The following SERPINA12 variants were observed in gnomAD, a reference collection of about 807,000 sequenced individuals.
The protein encoded by SERPINA12 is serpin A12.
Under a neutral mutation model 25.9 loss-of-function variants are expected in SERPINA12, and 21 were observed. The observed-to-expected ratio is 0.81, with a 90% CI of 0.58 to 1.17. The LOEUF (loss-of-function observed/expected upper bound fraction) is 1.17. SERPINA12 is among the 50% of genes most tolerant of loss of function. The probability of loss-of-function intolerance (pLI) is 0.00; values close to 1 mark genes in which losing one functional copy is unlikely to be tolerated. For synonymous variants in SERPINA12, 220 were observed against 196.0 expected, an observed-to-expected ratio of 1.12 and a Z score of -1.02; for missense variants, 562 against 508.3, an observed-to-expected ratio of 1.11 and a Z score of -1.02.
chr14:94,511,802 C>T, upstream of SERPINA12: 1 of 848,592 alleles, frequency 1.2e-6, no homozygotes, highest in Non-Finnish European at 1.4e-6. Flanking sequence ...CATAAGCTCA[C>T]AGACCAGGGA....
At chr14:94,488,336 C>T (rs1382337488) in intron 4 of SERPINA12, among the ~76,000 whole-genome samples, 1 of 151,978 alleles carries the variant, frequency 6.6e-6, no homozygotes, top group African/African-American at 2.4e-5. Flanking sequence ...TGGCTTGAAC[C>T]TCCCACTTTA....
chr14:94,496,234 C>T (rs1281380693), intron 3 of SERPINA12, 139 bp downstream of exon 3: 2 of 812,458 alleles, frequency 2.5e-6, no homozygotes, highest in Admixed American at 2.6e-5. Context: ...GATTTGTTCC[C>T]CAGTCTAATT....
chr14:94,514,553 GCCCTTC>G (rs1901185535), intron 2 of SERPINA12, among the ~76,000 whole-genome samples: 1 of 152,240 alleles, frequency 6.6e-6, no homozygotes, highest in African/African-American at 2.4e-5. Flanking sequence ...ACCTGGGTGG[GCCCTTC>G]GAGGTGGCTC....
upstream of SERPINA12, among the ~76,000 whole-genome samples, chr14:94,509,843 G>T (rs780018279): frequency 6.6e-6 from 1 of 152,160 alleles, no homozygotes; most frequent in Non-Finnish European, 1.5e-5. Context: ...CAGCTCCACA[G>T]CCCTGATCCC....
Position 94,497,803 on chromosome 14 carries a change from C to T in SERPINA12, c.595G>A (p.Gly199Ser), listed in dbSNP as rs780543581. The T allele has an allele frequency of 9.3e-6, 15 of 1,610,040 alleles. No homozygotes were observed. The highest frequency in any genetic ancestry group is 4.4e-5 in the South Asian group (4 of 90,668). ...INNLIENIDP[G>S]TVMLLANYIF... ...TAATTTGCAAGAAGCATCACAGTGC[C>T]GGGGTCTATATTCTCGATCAGGTTG... Residue 199 changes from glycine (G) to serine (S), a missense_variant, in exon 2 of 5, where the codon GGC becomes AGC. Gly to Ser is a moderately conservative substitution (Grantham distance 56, BLOSUM62 0). Coordinates refer to ENST00000677451, the MANE Select transcript of SERPINA12 (RefSeq NM_001382267.1).
Position 94,497,807 on chromosome 14 carries a change from GTCTATATTC to G in SERPINA12, c.582_590del (p.Glu194_Ile196del). 1 of 1,613,768 alleles carries G rather than the reference GTCTATATTC, an allele frequency of 6.2e-7. No homozygotes were observed. The highest frequency in any genetic ancestry group is 8.5e-7 in the Non-Finnish European group (1 of 1,179,890). On this transcript the variant is annotated inframe_deletion, in exon 2 of 5. Transcript: ENST00000677451. ...TTGCAAGAAGCATCACAGTGCCGGGGTCTATATTCTCGATCAGGTTGTTAATTTTCCCAT... is the reference window on the plus strand; with the variant it reads ...TTGCAAGAAGCATCACAGTGCCGGGGTCGATCAGGTTGTTAATTTTCCCAT...
chr14:94,509,619 G>A (rs191526906), upstream of SERPINA12, among the ~76,000 whole-genome samples: 38 of 152,286 alleles, frequency 2.5e-4, no homozygotes, highest in African/African-American at 8.4e-4. Flanking sequence ...AGAGCAATGC[G>A]TCTGGGAGTT....
upstream of SERPINA12, chr14:94,511,789 C>T: frequency 1.1e-6 from 1 of 899,312 alleles, no homozygotes; most frequent in Non-Finnish European, 1.3e-6. Flanking sequence ...TAACACAAGT[C>T]CTCATAAGCT....
At chr14:94,514,622 T>C (rs1285298571) in intron 2 of SERPINA12, among the ~76,000 whole-genome samples, 3 of 152,172 alleles carry the variant, frequency 2.0e-5, no homozygotes, top group Non-Finnish European at 4.4e-5. Flanking sequence ...TCCATGTAGG[T>C]GTCCGGCAGT....
At chr14:94,494,981 G>A (rs1262600140) in intron 3 of SERPINA12, among the ~76,000 whole-genome samples, 4 of 152,026 alleles carry the variant, frequency 2.6e-5, no homozygotes, top group Admixed American at 1.3e-4. Context: ...GGATGGCAAC[G>A]CTCTTGGGAT....
At position 94,498,248 on chromosome 14, in the gene SERPINA12, C is replaced by T. The variant is rs981144899; in HGVS notation, c.150G>A (p.Arg50=). Residue 50 remains arginine (R), a synonymous_variant, in exon 2 of 5, where the codon AGG becomes AGA. Coordinates refer to ENST00000677451, the MANE Select transcript of SERPINA12 (RefSeq NM_001382267.1). Reference sequence around the variant, plus strand: ...GCTTAAAGCCTAAGTCCATGTTCTGCCTTGCAAGCTCCTTGGCTGCCATCC... The same window carrying T: ...GCTTAAAGCCTAAGTCCATGTTCTGTCTTGCAAGCTCCTTGGCTGCCATCC... ...KQRMAAKELA[R]QNMDLGFKLL... 1 of 1,614,178 alleles carries T rather than the reference C, an allele frequency of 6.2e-7. No homozygotes were observed. Among genetic ancestry groups the T allele is most frequent in the South Asian group, 1.1e-5 (1 of 91,080 alleles).
At chr14:94,504,450 C>T (rs1336877001) in intron 1 of SERPINA12, among the ~76,000 whole-genome samples, 2 of 152,240 alleles carry the variant, frequency 1.3e-5, no homozygotes, top group Non-Finnish European at 2.9e-5. Flanking sequence ...GTAGATGAGC[C>T]TAGAGTCCTA....
upstream of SERPINA12, among the ~76,000 whole-genome samples, chr14:94,509,485 C>T (rs1901049647): frequency 6.6e-6 from 1 of 152,136 alleles, no homozygotes; most frequent in Admixed American, 6.5e-5. Flanking sequence ...GCTCCCAGCC[C>T]CACAAGCCTT....
chr14:94,513,846 G>A (rs1211714919), upstream of SERPINA12, among the ~76,000 whole-genome samples: 1 of 152,158 alleles, frequency 6.6e-6, no homozygotes, highest in African/African-American at 2.4e-5. Context: ...TGACCAGTGG[G>A]ACTTCAGCCA....
Position 94,489,807 on chromosome 14 carries a change from G to A in SERPINA12, c.906-40C>T, listed in dbSNP as rs775223377. 5 of 1,602,820 alleles carry A rather than the reference G, an allele frequency of 3.1e-6. No individual in the cohort carries two copies. The African/African-American group carries it at 4.0e-5, about 13-fold the overall frequency. On this transcript the variant is annotated intron_variant, in intron 3 of 4. Transcript: ENST00000677451. ...CGACAAGGGTGAGTGGTCAAGTCCT[G>A]TTGTGTTGCAGGGCAAGCCTCAGGA...
At chr14:94,493,808 T>C (rs935397510) in intron 3 of SERPINA12, among the ~76,000 whole-genome samples, 6 of 152,200 alleles carry the variant, frequency 3.9e-5, no homozygotes, top group Admixed American at 1.3e-4. Flanking sequence ...ATCTCAAAGG[T>C]TCTATTTCAC....
At chr14:94,492,898 C>A (rs1595686862) in intron 3 of SERPINA12, among the ~76,000 whole-genome samples, 1 of 152,236 alleles carries the variant, frequency 6.6e-6, no homozygotes, top group Admixed American at 6.5e-5. Flanking sequence ...CAGAGCAGCA[C>A]CTGGCCTCAA....
intron 3 of SERPINA12, among the ~76,000 whole-genome samples, chr14:94,491,719 A>G (rs1900187141): frequency 6.6e-6 from 1 of 152,142 alleles, no homozygotes; most frequent in Admixed American, 6.5e-5. Flanking sequence ...AAAAAGATGG[A>G]GTCACCACTG....
At chr14:94,496,848 G>A (rs1900449074) in intron 2 of SERPINA12, among the ~76,000 whole-genome samples, 1 of 152,138 alleles carries the variant, frequency 6.6e-6, no homozygotes. Context: ...AAAGAAGCCA[G>A]GACTAGACTG....
Sources: allele counts gnomAD v4.1 joint callset (sites outside exome capture counted in the v4.1 genomes callset), GRCh38; gene constraint gnomAD v4.1.1; transcripts MANE v1.5; gene names NCBI Gene and HGNC (gene_info 2026-07-23, HGNC 2026-07-21).